The following GLIS1 variants were observed in gnomAD, a reference collection of about 807,000 sequenced individuals.
GLIS1 encodes the protein GLIS family zinc finger 1.
A neutral mutation model predicts 63.8 loss-of-function variants in GLIS1; 24 were observed. The observed-to-expected ratio is 0.38, with a 90% CI of 0.27 to 0.53. The LOEUF (loss-of-function observed/expected upper bound fraction) is 0.53, where lower values mean the gene tolerates loss of function less well. GLIS1 is among the 20% of genes least tolerant of loss of function. GLIS1 has a pLI of 0.85. For missense variants in GLIS1, 1,036 were observed against 1,074.1 expected, an observed-to-expected ratio of 0.96 and a Z score of 0.50; for synonymous variants, 450 against 482.5, an observed-to-expected ratio of 0.93 and a Z score of 0.88.
At chr1:53,705,445 CTT>C (rs1646568793) in intron 2 of GLIS1, among the ~76,000 whole-genome samples, 1 of 152,206 alleles carries the variant, frequency 6.6e-6, no homozygotes, top group Non-Finnish European at 1.5e-5. Flanking sequence ...CAAAAGCAAA[CTT>C]TTCCTCTTGG....
intron 3 of GLIS1, 22 bp downstream of exon 3, chr1:53,600,079 G>T: frequency 4.9e-6 from 6 of 1,219,116 alleles, no homozygotes; most frequent in Non-Finnish European, 6.1e-6. Flanking sequence ...AGTGTCCACA[G>T]AAAGCAGCTG....
At chr1:53,678,546 G>A (rs1557517540) in intron 2 of GLIS1, among the ~76,000 whole-genome samples, 1 of 152,112 alleles carries the variant, frequency 6.6e-6, no homozygotes, top group Non-Finnish European at 1.5e-5. Context: ...TGCACCCCCA[G>A]CCATGGATGG....
intron 4 of GLIS1, among the ~76,000 whole-genome samples, chr1:53,531,807 G>A (rs987466879): frequency 2.0e-5 from 3 of 152,200 alleles, no homozygotes; most frequent in Non-Finnish European, 2.9e-5. Flanking sequence ...AGACAGACAT[G>A]TAGCAGTGTG....
intron 2 of GLIS1, among the ~76,000 whole-genome samples, chr1:53,707,720 C>T (rs1376817441): frequency 1.3e-5 from 2 of 151,718 alleles, no homozygotes; most frequent in Non-Finnish European, 2.9e-5. Context: ...TGAGCATTTA[C>T]TATCTTATCT....
At chr1:53,529,209 G>A (rs1403396755) in intron 5 of GLIS1, among the ~76,000 whole-genome samples, 1 of 152,230 alleles carries the variant, frequency 6.6e-6, no homozygotes, top group African/African-American at 2.4e-5. Flanking sequence ...ACAAGGGAAG[G>A]AAGGTGGGAA....
At chr1:53,730,246 A>G (rs1321395527) in intron 2 of GLIS1, among the ~76,000 whole-genome samples, 1 of 152,090 alleles carries the variant, frequency 6.6e-6, no homozygotes, top group African/African-American at 2.4e-5. Flanking sequence ...TTTAGGATAA[A>G]AATTAAGCTC....
intron 3 of GLIS1, among the ~76,000 whole-genome samples, chr1:53,597,557 G>C (rs546663391): frequency 8.6e-4 from 131 of 152,248 alleles, no homozygotes; most frequent in South Asian, 2.3e-3. Context: ...CTGGAGGCAA[G>C]GAGGCAGCTG....
intron 4 of GLIS1, among the ~76,000 whole-genome samples, chr1:53,530,363 T>A (rs572038183): frequency 1.3e-5 from 2 of 152,288 alleles, no homozygotes; most frequent in East Asian, 3.9e-4. Context: ...CTGGGCTCTG[T>A]CCCAGAGAGG....
chr1:53,626,247 G>C (rs999106326), intron 2 of GLIS1, among the ~76,000 whole-genome samples: 3 of 152,182 alleles, frequency 2.0e-5, no homozygotes, highest in Non-Finnish European at 4.4e-5. Context: ...AATCCAGCTA[G>C]AGTCACATAA....
At chr1:53,641,485 G>A (rs1645786550) in intron 2 of GLIS1, among the ~76,000 whole-genome samples, 1 of 152,180 alleles carries the variant, frequency 6.6e-6, no homozygotes, top group African/African-American at 2.4e-5. Flanking sequence ...AAGAGCCTCA[G>A]GTGCAAGTTC....
At chr1:53,640,887 G>A (rs1252769843) in intron 2 of GLIS1, among the ~76,000 whole-genome samples, 1 of 152,126 alleles carries the variant, frequency 6.6e-6, no homozygotes, top group African/African-American at 2.4e-5. Context: ...GGGCTTGGCT[G>A]AGATGCACAG....
chr1:53,520,631 T>C lies in GLIS1; in HGVS notation c.1726+3A>G. On this transcript the variant is annotated splice_donor_region_variant and intron_variant, in intron 7 of 10. Coordinates refer to ENST00000628545, the MANE Select transcript of GLIS1 (RefSeq NM_001367484.1). ...CCCTGGCCCTGCCTCCCCGCACACG[T>C]ACCTGGGAGCAGCTCCTGGCCCAGG... The C allele has an allele frequency of 6.2e-7, 1 of 1,605,778 alleles. No individual in the cohort carries two copies. Among genetic ancestry groups the C allele is most frequent in the Non-Finnish European group, 8.5e-7 (1 of 1,176,504 alleles).
At chr1:53,617,094 C>G (rs567131391) in intron 2 of GLIS1, among the ~76,000 whole-genome samples, 2 of 152,102 alleles carry the variant, frequency 1.3e-5, no homozygotes, top group African/African-American at 4.8e-5. Context: ...TCAGCCTGCA[C>G]GCTCAGCCCG....
chr1:53,583,864 A>T (rs1645109160), intron 4 of GLIS1, among the ~76,000 whole-genome samples: 1 of 152,236 alleles, frequency 6.6e-6, no homozygotes, highest in African/African-American at 2.4e-5. Flanking sequence ...AACTTTACGG[A>T]ACCACATTAT....
chr1:53,554,165 C>T (rs895406980), intron 4 of GLIS1, among the ~76,000 whole-genome samples: 3 of 152,214 alleles, frequency 2.0e-5, no homozygotes, highest in African/African-American at 7.2e-5. Context: ...TGTCACCTGG[C>T]CCTCAAGGGA....
intron 7 of GLIS1, among the ~76,000 whole-genome samples, chr1:53,519,369 T>C (rs907076897): frequency 3.3e-5 from 5 of 152,208 alleles, no homozygotes; most frequent in African/African-American, 9.7e-5. Context: ...CTGAGGCTGT[T>C]TGGCAAGTGC....
intron 4 of GLIS1, among the ~76,000 whole-genome samples, chr1:53,582,789 C>A (rs557942928): frequency 6.6e-6 from 1 of 152,326 alleles, no homozygotes; most frequent in Non-Finnish European, 1.5e-5. Context: ...TCTCTATGGG[C>A]CTCAGTTTCC....
intron 2 of GLIS1, among the ~76,000 whole-genome samples, chr1:53,675,371 C>T (rs1016877899): frequency 2.0e-5 from 3 of 152,268 alleles, no homozygotes; most frequent in African/African-American, 7.2e-5. Flanking sequence ...GGTCACACAG[C>T]TCAAGCAGGG....
At chr1:53,726,174 G>A (rs1320960607) in intron 2 of GLIS1, among the ~76,000 whole-genome samples, 1 of 152,188 alleles carries the variant, frequency 6.6e-6, no homozygotes, top group African/African-American at 2.4e-5. Context: ...ACTGTGATGA[G>A]TGGGTAACAT....
Sources: gnomAD v4.1 joint callset for allele counts (sites outside exome capture counted in the v4.1 genomes callset) on GRCh38, gnomAD v4.1.1 for gene constraint, MANE v1.5 for transcripts, NCBI Gene and HGNC (gene_info 2026-07-23, HGNC 2026-07-21) for gene names.